MALRD1: variants seen among roughly 807,000 people sequenced by gnomAD.
The protein encoded by MALRD1 is MAM and LDL-receptor class A domain-containing protein 1.
MALRD1 carries 247 observed loss-of-function variants against 242.1 expected under a neutral mutation model. The ratio of observed to expected loss-of-function variants is 1.02; its 90% CI spans 0.92 to 1.13. The LOEUF is 1.13. Among genes scored for constraint, MALRD1 ranks in the 50% most tolerant of loss-of-function variants. The pLI is 0.00. For synonymous variants in MALRD1, 995 were observed against 866.6 expected (o/e 1.15, Z -2.60); for missense variants, 2,989 against 2,533.1 (o/e 1.18, Z -3.86).
At chr10:19,599,857 G>A (rs747425547) in intron 34 of MALRD1, among the ~76,000 whole-genome samples, 4 of 152,050 alleles carry the variant, frequency 2.6e-5, no homozygotes, top group African/African-American at 9.7e-5. Context: ...GAGTCTCTTC[G>A]CTCTGTATTA....
chr10:19,646,621 A>G (rs12259745), intron 36 of MALRD1, among the ~76,000 whole-genome samples: 7,475 of 152,062 alleles, frequency 0.049, 230 homozygotes, highest in Middle Eastern at 0.092. Flanking sequence ...AAAAAAAAAT[A>G]ATAAGTTTAA....
At chr10:19,220,681 A>T (rs1400421933) in intron 18 of MALRD1, among the ~76,000 whole-genome samples, 2 of 152,088 alleles carry the variant, frequency 1.3e-5, no homozygotes, top group Non-Finnish European at 2.9e-5. Context: ...CATGAGGAGC[A>T]GCTGTTGACT....
chr10:19,238,600 CTTGT>C (rs1471149447), intron 18 of MALRD1, among the ~76,000 whole-genome samples: 1 of 64,146 alleles, frequency 1.6e-5, no homozygotes, highest in Non-Finnish European at 3.4e-5. Flanking sequence ...ATATAATTCA[CTTGT>C]TTGTTTTTAG....
chr10:19,051,501 G>T lies in MALRD1; in HGVS notation c.199+2364G>T, dbSNP rs969060461. ...GGAGTAAAAGTCCCTCTCAATTTCC[G>T]ACTGTTGGAAAAACTTGAAGGCCAG... On this transcript the variant is annotated intron_variant, in intron 1 of 39. Transcript: ENST00000454679. The T allele has an allele frequency of 2.1e-5, 4 of 194,824 alleles. No individual in the cohort carries two copies. The South Asian group carries it at 3.3e-4, about 16-fold the overall frequency. The allele number at this position is 194,824 out of a possible 1,614,324, so 12.1% of individuals were successfully genotyped here. A position where few individuals can be genotyped will look rare whatever the true frequency, so the allele number is the denominator to read the frequency against.
chr10:19,105,919 C>G lies in MALRD1; in HGVS notation c.694+1844C>G, dbSNP rs552811344. 2.0e-5 allele frequency among the ~76,000 whole-genome samples: 3 copies of G among 151,712 alleles called. 1 individual carries two copies. In the East Asian group the frequency reaches 5.8e-4, roughly 29 times the overall value. On this transcript the variant is annotated intron_variant, in intron 5 of 39. Transcript: ENST00000454679. ...TTTCTTATATATTCTGAGAATTGACCCCTTATTAGATGCACAGTTTGCAAA... is the reference window on the plus strand; with the variant it reads ...TTTCTTATATATTCTGAGAATTGACGCCTTATTAGATGCACAGTTTGCAAA...
intron 32 of MALRD1, among the ~76,000 whole-genome samples, chr10:19,549,365 G>T (rs1835382300): frequency 6.6e-6 from 1 of 152,168 alleles, no homozygotes; most frequent in Admixed American, 6.6e-5. Flanking sequence ...AGCATCATTT[G>T]CTACAGAGAA....
chr10:19,204,517 G>C (rs1006198622), intron 16 of MALRD1, 104 bp downstream of exon 16: 3 of 727,404 alleles, frequency 4.1e-6, no homozygotes, highest in Non-Finnish European at 4.4e-6. Context: ...GTTTACTGCT[G>C]GTTTTACTCT....
chr10:19,481,094 T>C (rs533431337), intron 29 of MALRD1, among the ~76,000 whole-genome samples: 1 of 152,318 alleles, frequency 6.6e-6, no homozygotes, highest in Admixed American at 6.5e-5. Context: ...ATTTAAAATA[T>C]GAAAATTCAA....
In MALRD1 at chr10:19,387,453, C is replaced by T. The variant is rs185503058; in HGVS notation, c.4442-75C>T. On this transcript the variant is annotated intron_variant, in intron 26 of 39. Transcript: ENST00000454679. ...TCCTTTATAGATTAAAATGAATCCA[C>T]TCTTACTGCTTTTTGACCTCACTGA... 1.2e-4 allele frequency: 176 copies of T among 1,462,010 alleles called. 3 individuals carry two copies. In the East Asian group the frequency reaches 4.2e-3, roughly 35 times the overall value. 90.6% of individuals were successfully genotyped at this position (1,462,010 alleles called of 1,614,324 possible). A position where few individuals can be genotyped will look rare whatever the true frequency, so the allele number is the denominator to read the frequency against.
chr10:19,284,355 C>G (rs1421754943), intron 21 of MALRD1, among the ~76,000 whole-genome samples: 1 of 150,154 alleles, frequency 6.7e-6, no homozygotes, highest in Non-Finnish European at 1.5e-5. Flanking sequence ...CACCCACTAA[C>G]TCGTCATCTA....
rs1157608632 is a variant in MALRD1, at chr10:19,283,064, A to G, written c.3302A>G (p.Tyr1101Cys). 6.5e-7 allele frequency: 1 copy of G among 1,549,930 alleles called. No homozygotes were observed. Among genetic ancestry groups the G allele is most frequent in the Non-Finnish European group, 8.7e-7 (1 of 1,146,552 alleles). ...GAGAAAAGAAGCCTGTGTAAATGGT[A>G]TCAACCAATCCCAGTACATTTGCTT... ...SFEKRSLCKW[Y>C]QPIPVHLLQD... The change falls in exon 21 of 40, where the codon TAT becomes TGT. Residue 1101 changes from tyrosine to cysteine, a missense_variant. Tyr to Cys is a radical substitution (Grantham distance 194). Coordinates refer to ENST00000454679, the MANE Select transcript of MALRD1 (RefSeq NM_001142308.3).
chr10:19,493,883 A>T (rs867412249), intron 30 of MALRD1, among the ~76,000 whole-genome samples: 1 of 152,194 alleles, frequency 6.6e-6, no homozygotes, highest in Non-Finnish European at 1.5e-5. Context: ...ATTAATTTCA[A>T]TGGAAGACTC....
At position 19,562,297 on chromosome 10, in the gene MALRD1, G is replaced by GTAGATAGATAGATAGA. The variant is rs78473002; in HGVS notation, c.5479-5173_5479-5158dup. ...GCAACAGAGCGAGATGCTGTCTTAG[G>GTAGATAGATAGATAGA]TAGATAGATAGATAGATAGATAGAT... On this transcript the variant is annotated intron_variant, in intron 32 of 39. Transcript: ENST00000454679. Among the ~76,000 whole-genome samples the GTAGATAGATAGATAGA allele has an allele frequency of 7.9e-3, 1,149 of 144,758 alleles. 8 individuals carry two copies. The highest frequency in any genetic ancestry group is 0.023 in the East Asian group (109 of 4,740). The allele number at this position is 144,758 out of a possible 152,430, so 95.0% of individuals were successfully genotyped here. A position where few individuals can be genotyped will look rare whatever the true frequency, so the allele number is the denominator to read the frequency against.
chr10:19,684,106 G>A (rs1017692356), intron 36 of MALRD1, among the ~76,000 whole-genome samples: 17 of 152,130 alleles, frequency 1.1e-4, no homozygotes, highest in Non-Finnish European at 2.9e-5. Flanking sequence ...TTCCTGAAAA[G>A]GACATGAACT....
chr10:19,307,743 A>G (rs907328362), intron 21 of MALRD1, among the ~76,000 whole-genome samples: 1 of 151,580 alleles, frequency 6.6e-6, no homozygotes, highest in African/African-American at 2.4e-5. Context: ...AATGAAAAAA[A>G]TTGAATTAGA....
chr10:19,436,153 C>T (rs1257828871), intron 28 of MALRD1, among the ~76,000 whole-genome samples: 1 of 152,118 alleles, frequency 6.6e-6, no homozygotes, highest in Non-Finnish European at 1.5e-5. Flanking sequence ...GTCCTAGAAT[C>T]AGCCATTTCT....
chr10:19,086,287 AG>A (rs947180171), intron 2 of MALRD1, among the ~76,000 whole-genome samples: 7 of 152,066 alleles, frequency 4.6e-5, no homozygotes, highest in Admixed American at 2.0e-4. Context: ...TGTGACAATT[AG>A]ATTTTATTTC....
At position 19,238,720 on chromosome 10, in the gene MALRD1, C is replaced by G. The variant is rs556768039; in HGVS notation, c.2992-18964C>G. Reference sequence around the variant, plus strand: ...TGATTTCATTTCCTATGGATATATACCCAGTAGTGGGATTGCTGGGTTATG... The same window carrying G: ...TGATTTCATTTCCTATGGATATATAGCCAGTAGTGGGATTGCTGGGTTATG... On this transcript the variant is annotated intron_variant, in intron 18 of 39. Transcript: ENST00000454679. Among the ~76,000 whole-genome samples the G allele has an allele frequency of 4.7e-5, 7 of 149,244 alleles. No homozygotes were observed. The East Asian group carries it at 1.2e-3, about 25-fold the overall frequency.
intron 27 of MALRD1, 80 bp downstream of exon 27, chr10:19,387,853 G>A: frequency 6.8e-7 from 1 of 1,478,012 alleles, no homozygotes; most frequent in Non-Finnish European, 9.0e-7. Flanking sequence ...TAGCAACTGG[G>A]GAGCTCTGAA....
Sources: gnomAD v4.1 joint callset for allele counts (sites outside exome capture counted in the v4.1 genomes callset) on GRCh38, gnomAD v4.1.1 for gene constraint, MANE v1.5 for transcripts, NCBI Gene and HGNC (gene_info 2026-07-23, HGNC 2026-07-21) for gene names.